Variants in CTXN2 observed in about 807,000 individuals in gnomAD.
CTXN2 encodes cortexin-2.
Under a neutral mutation model 5.7 loss-of-function variants are expected in CTXN2, and 3 were observed. That is an observed-to-expected ratio of 0.53 (90% confidence interval 0.24 to 1.36). The LOEUF (loss-of-function observed/expected upper bound fraction) is 1.36. Among genes scored for constraint, CTXN2 ranks in the 40% most tolerant of loss-of-function variants. The probability of loss-of-function intolerance (pLI) is 0.17; values close to 1 mark genes in which losing one functional copy is unlikely to be tolerated. For missense variants in CTXN2, 87 were observed against 93.0 expected (o/e 0.94, Z 0.26); for synonymous variants, 38 against 36.4 (o/e 1.04, Z -0.16).
chr15:48,202,308 G>T lies in CTXN2; in HGVS notation c.*762G>T, dbSNP rs957403310. 4.8e-5 allele frequency: 8 copies of T among 167,208 alleles called. No homozygotes were observed. The highest frequency in any genetic ancestry group is 1.5e-5 in the Non-Finnish European group (1 of 68,144). The allele number at this position is 167,208 out of a possible 1,614,324, so 10.4% of individuals were successfully genotyped here. ...CAGTCTCAGCTGTGCCACCAGTAGAGCTATGCTCTAATGGGTAAGTCATCT... is the reference window on the plus strand; with the variant it reads ...CAGTCTCAGCTGTGCCACCAGTAGATCTATGCTCTAATGGGTAAGTCATCT... On this transcript the variant is annotated 3_prime_UTR_variant, in exon 2 of 2. Coordinates refer to ENST00000417307, the MANE Select transcript of CTXN2 (RefSeq NM_001145668.2).
chr15:48,192,095 G>C, intron 1 of CTXN2: 1 of 305,886 alleles, frequency 3.3e-6, no homozygotes, highest in Non-Finnish European at 6.6e-6. Flanking sequence ...CGGGGGAAAA[G>C]TGTTGTGTAC....
chr15:48,186,069 A>G (rs944793785), intron 1 of CTXN2, among the ~76,000 whole-genome samples: 1 of 152,142 alleles, frequency 6.6e-6, no homozygotes, highest in African/African-American at 2.4e-5. Flanking sequence ...GCTAATCTCT[A>G]TATACTATAC....
rs956372320 is a variant in CTXN2 at position 48,203,278 on chromosome 15, T to C, written c.*1732T>C. 8 of 167,136 alleles carry C rather than the reference T, an allele frequency of 4.8e-5. No individual in the cohort carries two copies. Among genetic ancestry groups the C allele is most frequent in the African/African-American group, 1.9e-4 (8 of 41,466 alleles). 10.4% of individuals were successfully genotyped at this position (167,136 alleles called of 1,614,324 possible). A position where few individuals can be genotyped will look rare whatever the true frequency, so the allele number is the denominator to read the frequency against. On this transcript the variant is annotated 3_prime_UTR_variant, in exon 2 of 2. Coordinates refer to ENST00000417307, the MANE Select transcript of CTXN2 (RefSeq NM_001145668.2). The stretch of plus-strand genomic sequence containing the variant: ...CAGCTGTCTCTGTGAGATTCCTTGA[T>C]GCTTTCCATCTCATAATAGATTTAG...
intron 1 of CTXN2, among the ~76,000 whole-genome samples, chr15:48,197,108 C>T (rs187775961): frequency 1.4e-4 from 21 of 151,072 alleles, no homozygotes; most frequent in Non-Finnish European, 2.7e-4. Context: ...TGTTTGATAG[C>T]ATTAAACCAT....
intron 1 of CTXN2, among the ~76,000 whole-genome samples, chr15:48,195,370 C>G (rs148660855): frequency 6.6e-6 from 1 of 151,992 alleles, no homozygotes; most frequent in Non-Finnish European, 1.5e-5. Context: ...ATTTCTTTCC[C>G]GTGATGCTCT....
intron 1 of CTXN2, among the ~76,000 whole-genome samples, chr15:48,195,661 C>A (rs1031727342): frequency 2.0e-5 from 3 of 152,122 alleles, no homozygotes; most frequent in East Asian, 1.9e-4. Context: ...CAAATACAAT[C>A]TCTTGCAAGA....
At chr15:48,200,839 C>T (rs2040922284) in intron 1 of CTXN2, among the ~76,000 whole-genome samples, 1 of 152,112 alleles carries the variant, frequency 6.6e-6, no homozygotes, top group Non-Finnish European at 1.5e-5. Context: ...GGACTTTAAA[C>T]AGCTTGAGCA....
intron 1 of CTXN2, among the ~76,000 whole-genome samples, chr15:48,180,848 T>C (rs2040696292): frequency 6.6e-6 from 1 of 152,236 alleles, no homozygotes; most frequent in Admixed American, 6.5e-5. Context: ...TTTTAGTGCA[T>C]GTAGGTACAT....
At chr15:48,180,767 C>T (rs1431866454) in intron 1 of CTXN2, among the ~76,000 whole-genome samples, 1 of 152,216 alleles carries the variant, frequency 6.6e-6, no homozygotes, top group African/African-American at 2.4e-5. Context: ...GCCTTGGCCT[C>T]CCAAATTGCT....
At chr15:48,192,314 A>T (rs1334408689) in intron 1 of CTXN2, 1 of 154,382 alleles carries the variant, frequency 6.5e-6, no homozygotes, top group Non-Finnish European at 1.4e-5. Context: ...CCATCCAAAG[A>T]TTCTCTTAAG....
upstream of CTXN2, among the ~76,000 whole-genome samples, chr15:48,187,669 A>C (rs2140972238): frequency 6.6e-6 from 1 of 152,338 alleles, no homozygotes; most frequent in African/African-American, 2.4e-5. Flanking sequence ...TCCTGAGCTC[A>C]GTTGTTAGAG....
chr15:48,183,505 T>C (rs1410333690), intron 1 of CTXN2, among the ~76,000 whole-genome samples: 6 of 152,190 alleles, frequency 3.9e-5, no homozygotes, highest in African/African-American at 1.4e-4. Flanking sequence ...ACAACTTAAG[T>C]TTTACTTACA....
At chr15:48,188,453 A>C (rs2040780883), upstream of CTXN2, among the ~76,000 whole-genome samples, 1 of 152,166 alleles carries the variant, frequency 6.6e-6, no homozygotes, top group African/African-American at 2.4e-5. Context: ...GCTTTTGGGG[A>C]TATATCTATG....
rs955524836 is a variant in CTXN2 at position 48,201,534 on chromosome 15, T to C, written c.234T>C (p.Tyr78=). The part of the protein sequence containing the change: ...VEEFDKGTFE[Y]ALA ...AGTTTGATAAAGGGACATTTGAATA[T>C]GCACTCGCGTGAGAGTTCCAGCTAT... Residue 78 remains tyrosine (Y), a synonymous_variant, in exon 2 of 2, where the codon TAT becomes TAC. Transcript: ENST00000417307. The C allele has an allele frequency of 3.9e-6, 6 of 1,551,004 alleles. No individual in the cohort carries two copies. In the South Asian group the frequency reaches 5.9e-5, roughly 15 times the overall value.
At position 48,185,810 on chromosome 15, in the gene CTXN2, A is replaced by G. The variant is rs140016051; in HGVS notation, c.-454-5647A>G. 2.7e-3 allele frequency among the ~76,000 whole-genome samples: 404 copies of G among 152,284 alleles called. 1 individual carries two copies. Among genetic ancestry groups the G allele is most frequent in the African/African-American group, 9.4e-3 (391 of 41,564 alleles). On this transcript the variant is annotated intron_variant, in intron 1 of 2. Transcript: ENST00000644354. Reference sequence around the variant, plus strand: ...AAAAGGAGGAGTGAATGGGTGTTATATATAGGACTACTTTCCTCCACAGCT... The same window carrying G: ...AAAAGGAGGAGTGAATGGGTGTTATGTATAGGACTACTTTCCTCCACAGCT...
At chr15:48,197,615 G>A (rs1359952915) in intron 1 of CTXN2, among the ~76,000 whole-genome samples, 1 of 151,964 alleles carries the variant, frequency 6.6e-6, no homozygotes, top group Non-Finnish European at 1.5e-5. Flanking sequence ...ATTATTATAT[G>A]TTACCTTAAG....
chr15:48,183,618 G>A (rs1020135695), intron 1 of CTXN2, among the ~76,000 whole-genome samples: 1 of 152,128 alleles, frequency 6.6e-6, no homozygotes, highest in Non-Finnish European at 1.5e-5. Flanking sequence ...ATTTTATTTT[G>A]TTTTAACAAT....
At chr15:48,186,915 A>G (rs1173428094), upstream of CTXN2, among the ~76,000 whole-genome samples, 1 of 149,642 alleles carries the variant, frequency 6.7e-6, no homozygotes, top group Non-Finnish European at 1.5e-5. Context: ...ATCTCAAAAA[A>G]AAAAAAAAAA....
rs553376214 is a variant in CTXN2, at chr15:48,201,682, C to T, written c.*136C>T. The T allele has an allele frequency of 1.2e-6, 1 of 831,894 alleles. No homozygotes were observed. The highest frequency in any genetic ancestry group is 1.8e-5 in the South Asian group (1 of 54,536). 51.5% of individuals were successfully genotyped at this position (831,894 alleles called of 1,614,324 possible). The stretch of plus-strand genomic sequence containing the variant: ...TAAACATCTGTGACTAATTTCTTCA[C>T]CATGCTGTGTAAATGATAAACTATT... On this transcript the variant is annotated 3_prime_UTR_variant, in exon 2 of 2. Coordinates refer to ENST00000417307, the MANE Select transcript of CTXN2 (RefSeq NM_001145668.2).
Sources: allele counts gnomAD v4.1 joint callset (sites outside exome capture counted in the v4.1 genomes callset), GRCh38; gene constraint gnomAD v4.1.1; transcripts MANE v1.5; gene names NCBI Gene and HGNC (gene_info 2026-07-23, HGNC 2026-07-21).